The following PDE2A variants were observed in gnomAD, a reference collection of about 807,000 sequenced individuals.
The protein encoded by PDE2A is phosphodiesterase 2A, also known as cGMP-dependent 3',5'-cyclic phosphodiesterase.
PDE2A carries 53 observed loss-of-function variants against 133.6 expected under a neutral mutation model. That is an observed-to-expected ratio of 0.40 (90% confidence interval 0.32 to 0.50). The LOEUF (loss-of-function observed/expected upper bound fraction) is 0.50, where lower values mean the gene tolerates loss of function less well. Ranked by LOEUF, PDE2A falls within the 20% of genes least tolerant of loss-of-function variation. PDE2A has a pLI of 0.73. For missense variants in PDE2A, 796 were observed against 1,232.4 expected (o/e 0.65, Z 5.30); for synonymous variants, 491 against 490.2 (o/e 1.00, Z -0.02).
chr11:72,586,051 C>T lies in PDE2A; in HGVS notation c.1182+19G>A. On this transcript the variant is annotated intron_variant, in intron 14 of 30. Transcript: ENST00000334456. ...TGAGCGAGTCGGTGCCCGAGAGAGGCTGAAGGCAGGTCACTCACCTGGCAC... is the reference window on the plus strand; with the variant it reads ...TGAGCGAGTCGGTGCCCGAGAGAGGTTGAAGGCAGGTCACTCACCTGGCAC... 1 of 1,448,368 alleles carries T rather than the reference C, an allele frequency of 6.9e-7. No individual in the cohort carries two copies. The highest frequency in any genetic ancestry group is 9.6e-7 in the Non-Finnish European group (1 of 1,037,006). 89.7% of individuals were successfully genotyped at this position (1,448,368 alleles called of 1,614,324 possible). A position where few individuals can be genotyped will look rare whatever the true frequency, so the allele number is the denominator to read the frequency against.
chr11:72,657,766 C>G, intron 1 of PDE2A: 1 of 453,746 alleles, frequency 2.2e-6, no homozygotes, highest in Admixed American at 2.4e-5. Flanking sequence ...CTCCATCACC[C>G]CAATCCAGCT....
In PDE2A at chr11:72,577,710, C is replaced by T. The variant is rs11235542; in HGVS notation, c.2616-116G>A. On this transcript the variant is annotated intron_variant, in intron 30 of 30. Coordinates refer to ENST00000334456, the MANE Select transcript of PDE2A (RefSeq NM_002599.5). Reference sequence around the variant, plus strand: ...CACAAGGGCCAGGTACGGTAGCTCACGCCTGTAATCCCAACACTCAGAGAT... The same window carrying T: ...CACAAGGGCCAGGTACGGTAGCTCATGCCTGTAATCCCAACACTCAGAGAT... 2.5e-3 allele frequency: 1,837 copies of T among 722,356 alleles called. 34 individuals carry two copies. The African/African-American group carries it at 0.027, about 11-fold the overall frequency. The allele number at this position is 722,356 out of a possible 1,614,324, so 44.7% of individuals were successfully genotyped here.
intron 6 of PDE2A, among the ~76,000 whole-genome samples, chr11:72,593,845 G>A (rs1322684565): frequency 6.6e-6 from 1 of 152,254 alleles, no homozygotes; most frequent in Non-Finnish European, 1.5e-5. Flanking sequence ...TCCTTTGCAG[G>A]ACTCCCTCGA....
At position 72,583,432 on chromosome 11, in the gene PDE2A, C is replaced by G. The variant is rs775731088; in HGVS notation, c.1728+6G>C. On this transcript the variant is annotated splice_donor_region_variant and intron_variant, in intron 20 of 30. Coordinates refer to ENST00000334456, the MANE Select transcript of PDE2A (RefSeq NM_002599.5). ...GAGGAGGACCAGAGGTCTCTGCAAG[C>G]CTCACCTTCATGTGGTACATCATCA... 2 of 1,602,752 alleles carry G rather than the reference C, an allele frequency of 1.2e-6. No individual in the cohort carries two copies. The highest frequency in any genetic ancestry group is 1.7e-6 in the Non-Finnish European group (2 of 1,169,922).
At chr11:72,639,066 A>G (rs1002824288) in intron 2 of PDE2A, among the ~76,000 whole-genome samples, 7 of 152,178 alleles carry the variant, frequency 4.6e-5, no homozygotes, top group African/African-American at 1.7e-4. Context: ...AGACTTCTCT[A>G]AGCCTTCCAA....
chr11:72,634,099 G>GCCAGAGACGA (rs1462075364), intron 2 of PDE2A, among the ~76,000 whole-genome samples: 1 of 152,166 alleles, frequency 6.6e-6, no homozygotes, highest in Admixed American at 6.5e-5. Context: ...CCCAGAGAGC[G>GCCAGAGACGA]CCAGAGACGA....
At chr11:72,595,404 C>T (rs1193608730) in intron 6 of PDE2A, among the ~76,000 whole-genome samples, 3 of 152,012 alleles carry the variant, frequency 2.0e-5, no homozygotes, top group East Asian at 1.9e-4. Context: ...ACAGCAGCTC[C>T]GTTCCAGAAA....
At chr11:72,626,437 C>T (rs184259882) in intron 2 of PDE2A, among the ~76,000 whole-genome samples, 7 of 152,328 alleles carry the variant, frequency 4.6e-5, no homozygotes, top group Admixed American at 4.6e-4. Context: ...TCCCTTGGGG[C>T]CATGGGGCAT....
chr11:72,605,073 G>A lies in PDE2A; in HGVS notation c.323+65C>T, dbSNP rs574863211. 7.9e-6 allele frequency: 8 copies of A among 1,018,172 alleles called. No individual in the cohort carries two copies. In the African/African-American group the frequency reaches 1.1e-4, roughly 14 times the overall value. 63.1% of individuals were successfully genotyped at this position (1,018,172 alleles called of 1,614,324 possible). ...AGGGTCAGACCAGATGACCTTGGATGGTGCCTCAGCCCTGAGAATCCTTGG... is the reference window on the plus strand; with the variant it reads ...AGGGTCAGACCAGATGACCTTGGATAGTGCCTCAGCCCTGAGAATCCTTGG... On this transcript the variant is annotated intron_variant, in intron 4 of 30. Coordinates refer to ENST00000334456, the MANE Select transcript of PDE2A (RefSeq NM_002599.5).
At chr11:72,651,723 T>G in intron 1 of PDE2A, among the ~76,000 whole-genome samples, 1 of 152,356 alleles carries the variant, frequency 6.6e-6, no homozygotes, top group African/African-American at 2.4e-5. Flanking sequence ...CCAGCAGGCC[T>G]CAGCATCCTC....
chr11:72,612,736 G>A (rs146079970), intron 2 of PDE2A, among the ~76,000 whole-genome samples: 63 of 151,772 alleles, frequency 4.2e-4, no homozygotes, highest in Middle Eastern at 3.4e-3. Context: ...TGGGTGGGTG[G>A]GTAGATGGAT....
intron 2 of PDE2A, among the ~76,000 whole-genome samples, chr11:72,610,125 C>G (rs778657375): frequency 4.6e-5 from 7 of 152,118 alleles, no homozygotes; most frequent in Non-Finnish European, 7.3e-5. Flanking sequence ...CTGGATAACC[C>G]AGGGATGCCT....
intron 6 of PDE2A, among the ~76,000 whole-genome samples, chr11:72,592,892 G>A (rs80104093): frequency 6.6e-6 from 1 of 152,184 alleles, no homozygotes; most frequent in Non-Finnish European, 1.5e-5. Context: ...GGGGGCGGGA[G>A]GGAGGAGAAG....
In PDE2A at chr11:72,647,793, G is replaced by T. The variant is rs545657582; in HGVS notation, c.72-5467C>A. ...CTGTATGTGTGTGCATGTGTGTAAG[G>T]CTGCACACAGGCTTGTAAGCATGAT... On this transcript the variant is annotated intron_variant, in intron 1 of 30. Coordinates refer to ENST00000334456, the MANE Select transcript of PDE2A (RefSeq NM_002599.5). Among the ~76,000 whole-genome samples the T allele has an allele frequency of 7.2e-5, 11 of 152,344 alleles. No individual in the cohort carries two copies. The East Asian group carries it at 2.1e-3, about 29-fold the overall frequency.
intron 2 of PDE2A, among the ~76,000 whole-genome samples, chr11:72,611,195 A>G (rs1287922165): frequency 6.6e-6 from 1 of 152,112 alleles, no homozygotes; most frequent in Non-Finnish European, 1.5e-5. Flanking sequence ...ATACAGGGGG[A>G]GAAATTCTTC....
intron 1 of PDE2A, among the ~76,000 whole-genome samples, chr11:72,659,103 T>C (rs956454585): frequency 6.6e-6 from 1 of 151,828 alleles, no homozygotes; most frequent in Admixed American, 6.6e-5. Context: ...AAGCTTCTGG[T>C]GATAAAGGAA....
intron 1 of PDE2A, among the ~76,000 whole-genome samples, chr11:72,661,722 G>A (rs1855070826): frequency 6.6e-6 from 1 of 152,214 alleles, no homozygotes; most frequent in Non-Finnish European, 1.5e-5. Flanking sequence ...CACAGGTGGG[G>A]AACCACAGGC....
At chr11:72,631,156 G>A (rs769222802) in intron 2 of PDE2A, 50 of 1,537,336 alleles carry the variant, frequency 3.3e-5, no homozygotes, top group Non-Finnish European at 4.1e-5. Flanking sequence ...AGACAAGAAG[G>A]TCAGGGGCTG....
chr11:72,630,601 A>C (rs1858327535), intron 2 of PDE2A, among the ~76,000 whole-genome samples: 1 of 151,376 alleles, frequency 6.6e-6, no homozygotes, highest in Admixed American at 6.6e-5. Context: ...AGCATGGAGG[A>C]TTCTGGGGCA....
Sources: allele counts gnomAD v4.1 joint callset (sites outside exome capture counted in the v4.1 genomes callset), GRCh38; gene constraint gnomAD v4.1.1; transcripts MANE v1.5; gene names NCBI Gene and HGNC (gene_info 2026-07-23, HGNC 2026-07-21).